The following ENDOU variants were observed in gnomAD, a reference collection of about 807,000 sequenced individuals.
ENDOU encodes endonuclease, poly(U) specific.
Under a neutral mutation model 54.2 loss-of-function variants are expected in ENDOU, and 49 were observed. The observed-to-expected ratio is 0.90, with a 90% CI of 0.72 to 1.15. The LOEUF (loss-of-function observed/expected upper bound fraction) is 1.15, where lower values mean the gene tolerates loss of function less well. ENDOU is among the 50% of genes most tolerant of loss of function. The pLI is 0.00. For synonymous variants in ENDOU, 172 were observed against 190.5 expected (o/e 0.90, Z 0.80); for missense variants, 458 against 511.4 (o/e 0.90, Z 1.01).
chr12:47,711,016 A>G, intron 9 of ENDOU, 97 bp from the exon 10 acceptor site: 1 of 728,604 alleles, frequency 1.4e-6, no homozygotes, highest in Admixed American at 2.6e-5. Context: ...GAAGGGCTCC[A>G]TTCTGCTTAA....
chr12:47,716,352 C>A lies in ENDOU; in HGVS notation c.699G>T (p.Glu233Asp). Residue 233 changes from glutamate to aspartate, a missense_variant, in exon 6 of 10, where the codon GAG becomes GAT. Glu to Asp is a conservative substitution (Grantham distance 45). Coordinates refer to ENST00000422538, the MANE Select transcript of ENDOU (RefSeq NM_001172439.2). ...CCTTCATGACTGCTGTCTTCATGAT[C>A]TCTCTGAGGAAGGCGTCCTGCTCGG... ...ELAEQDAFLR[E>D]IMKTAVMKEL... is the part of the protein sequence containing the mutation. The A allele has an allele frequency of 6.2e-7, 1 of 1,614,178 alleles. No individual in the cohort carries two copies. The highest frequency in any genetic ancestry group is 8.5e-7 in the Non-Finnish European group (1 of 1,180,040).
intron 5 of ENDOU, 54 bp from the exon 6 acceptor site, chr12:47,716,553 C>G: frequency 1.9e-6 from 3 of 1,552,642 alleles, no homozygotes; most frequent in Non-Finnish European, 1.8e-6. Context: ...GGGCAGCGAC[C>G]CCTCCAGAGA....
chr12:47,721,788 G>T (rs912493297), intron 1 of ENDOU, among the ~76,000 whole-genome samples: 7 of 152,318 alleles, frequency 4.6e-5, no homozygotes, highest in African/African-American at 1.7e-4. Context: ...GGGCTTTAAG[G>T]GTGATAACAG....
At chr12:47,717,373 G>A (rs1423878461) in intron 4 of ENDOU, 145 bp downstream of exon 4, 2 of 910,268 alleles carry the variant, frequency 2.2e-6, no homozygotes, top group African/African-American at 1.7e-5. Context: ...TTCTAATTAA[G>A]TAGGCCCGGA....
At chr12:47,712,478 C>G in intron 8 of ENDOU, 38 bp downstream of exon 8, 1 of 1,475,912 alleles carries the variant, frequency 6.8e-7, no homozygotes, top group South Asian at 1.1e-5. Flanking sequence ...AGCAGGATAT[C>G]TGGGCTCTGA....
chr12:47,718,527 A>G (rs1423286553), intron 2 of ENDOU, among the ~76,000 whole-genome samples: 1 of 152,198 alleles, frequency 6.6e-6, no homozygotes, highest in Admixed American at 6.5e-5. Flanking sequence ...ATGCTGTCCT[A>G]ATGACAAAGC....
Position 47,725,354 on chromosome 12 carries a change from C to T in ENDOU, c.55+5G>A. On this transcript the variant is annotated splice_donor_5th_base_variant and intron_variant, in intron 1 of 9. Transcript: ENST00000422538. Reference sequence around the variant, plus strand: ...CAATCCCATGCCCGCCAGATAGTGACTTACCAGCCCAGGCCAGGCCACACA... The same window carrying T: ...CAATCCCATGCCCGCCAGATAGTGATTTACCAGCCCAGGCCAGGCCACACA... 2 of 1,614,130 alleles carry T rather than the reference C, an allele frequency of 1.2e-6. No homozygotes were observed. The highest frequency in any genetic ancestry group is 1.7e-6 in the Non-Finnish European group (2 of 1,179,996).
At chr12:47,711,833 G>T (rs1158205355) in intron 8 of ENDOU, 58 bp from the exon 9 acceptor site, 10 of 1,591,692 alleles carry the variant, frequency 6.3e-6, no homozygotes, top group Non-Finnish European at 6.9e-6. Flanking sequence ...GGAGTAGAAC[G>T]GGTGCCCAAT....
At chr12:47,716,794 A>C in intron 5 of ENDOU, 96 bp downstream of exon 5, 1 of 1,289,662 alleles carries the variant, frequency 7.8e-7, no homozygotes, top group Non-Finnish European at 1.1e-6. Flanking sequence ...TCTCCCTTTG[A>C]TCGTGCCTGA....
At chr12:47,713,190 T>G in intron 7 of ENDOU, 85 bp downstream of exon 7, 1 of 933,762 alleles carries the variant, frequency 1.1e-6, no homozygotes, top group Non-Finnish European at 1.8e-6. Flanking sequence ...TGCTGATTAA[T>G]CCACACCCAG....
Position 47,725,349 on chromosome 12 carries a change from A to C in ENDOU, c.55+10T>G. 6.2e-7 allele frequency: 1 copy of C among 1,614,050 alleles called. No individual in the cohort carries two copies. On this transcript the variant is annotated intron_variant, in intron 1 of 9. Coordinates refer to ENST00000422538, the MANE Select transcript of ENDOU (RefSeq NM_001172439.2). ...ACCAGCAATCCCATGCCCGCCAGAT[A>C]GTGACTTACCAGCCCAGGCCAGGCC...
chr12:47,718,128 C>T lies in ENDOU; in HGVS notation c.244+1G>A. On this transcript the variant is annotated splice_donor_variant, in intron 3 of 9. Transcript: ENST00000422538. LOFTEE classifies it high-confidence loss of function. ...GCCCCCCTTTGGGGAGGCAGGCTCA[C>T]TGCTGGCGAGGGCCTCTTCTGTCTC... The T allele has an allele frequency of 1.3e-6, 2 of 1,568,940 alleles. No individual in the cohort carries two copies. Among genetic ancestry groups the T allele is most frequent in the Non-Finnish European group, 1.7e-6 (2 of 1,155,250 alleles).
chr12:47,710,478 G>A lies in ENDOU; in HGVS notation c.*324C>T, dbSNP rs890181665. The A allele has an allele frequency of 5.3e-6, 1 of 190,060 alleles. No homozygotes were observed. Among genetic ancestry groups the A allele is most frequent in the African/African-American group, 2.3e-5 (1 of 42,874 alleles). The allele number at this position is 190,060 out of a possible 1,614,324, so 11.8% of individuals were successfully genotyped here. The stretch of plus-strand genomic sequence containing the variant: ...TACATTAAAGGGAAGCATGAGGCCT[G>A]GTGAGGTCAAAGGACTTCTTCCTAG... On this transcript the variant is annotated 3_prime_UTR_variant, in exon 10 of 10. Transcript: ENST00000422538.
In ENDOU at chr12:47,710,429, G is replaced by T. The variant is rs78132434; in HGVS notation, c.*373C>A. On this transcript the variant is annotated 3_prime_UTR_variant, in exon 10 of 10. Transcript: ENST00000422538. ...GCCCTCTCACCAACCCCAAAAAGAG[G>T]AAAGTGGGCAAACCCCTTCCCTTTA... is the stretch of plus-strand genomic sequence containing the variant. 6,381 of 159,000 alleles carry T rather than the reference G, an allele frequency of 0.04. 166 individuals are homozygous for T. The highest frequency in any genetic ancestry group is 0.08 in the South Asian group (415 of 5,198). The allele number at this position is 159,000 out of a possible 1,614,324, so 9.8% of individuals were successfully genotyped here. A position where few individuals can be genotyped will look rare whatever the true frequency, so the allele number is the denominator to read the frequency against.
intron 7 of ENDOU, 56 bp from the exon 8 acceptor site, chr12:47,712,678 A>G (rs530598178): frequency 2.2e-5 from 28 of 1,246,524 alleles, no homozygotes; most frequent in African/African-American, 7.0e-5. Flanking sequence ...CCTCCCCTCC[A>G]ATCCCCTTTC....
intron 1 of ENDOU, among the ~76,000 whole-genome samples, chr12:47,723,634 C>T (rs540149016): frequency 1.3e-5 from 2 of 152,238 alleles, no homozygotes; most frequent in East Asian, 3.9e-4. Flanking sequence ...CCAGAACAGC[C>T]ACTCCCTATC....
At chr12:47,713,752 G>GGGGC (rs397939678) in intron 6 of ENDOU, among the ~76,000 whole-genome samples, 3 of 134,418 alleles carry the variant, frequency 2.2e-5, no homozygotes, top group Admixed American at 7.4e-5. Flanking sequence ...GGGGGGGGGG[G>GGGGC]TCTTCTAGAA....
rs1050544798 is a variant in ENDOU, at chr12:47,718,239, C to T, written c.179-45G>A. ...TAAAGTCACCAACAACCTGAGAATT[C>T]CCCTGCTGCTTGGTTTCTGGTTCTC... On this transcript the variant is annotated intron_variant, in intron 2 of 9. Coordinates refer to ENST00000422538, the MANE Select transcript of ENDOU (RefSeq NM_001172439.2). 17 of 1,507,140 alleles carry T rather than the reference C, an allele frequency of 1.1e-5. No individual in the cohort carries two copies. The Admixed American group carries it at 3.1e-4, about 28-fold the overall frequency. The allele number at this position is 1,507,140 out of a possible 1,614,324, so 93.4% of individuals were successfully genotyped here. A position where few individuals can be genotyped will look rare whatever the true frequency, so the allele number is the denominator to read the frequency against.
rs1213323783 is a variant in ENDOU, at chr12:47,716,405, C to A, written c.646G>T (p.Gly216Trp). The change falls in exon 6 of 10, where the codon GGG becomes TGG. Residue 216 changes from glycine to tryptophan, a missense_variant. Coordinates refer to ENST00000422538, the MANE Select transcript of ENDOU (RefSeq NM_001172439.2). Reference protein sequence around the residue: ...LNNYQRATGHGEHFSAQELAE... With the variant: ...LNNYQRATGHWEHFSAQELAE... ...AGCTCCTGGGCACTGAAGTGCTCCC[C>A]ATGGCCTGTTGCCCGCTGGTAGTTG... 1 of 1,614,056 alleles carries A rather than the reference C, an allele frequency of 6.2e-7. No homozygotes were observed. Among genetic ancestry groups the A allele is most frequent in the Non-Finnish European group, 8.5e-7 (1 of 1,180,036 alleles).
Sources: gnomAD v4.1 joint callset for allele counts (sites outside exome capture counted in the v4.1 genomes callset) on GRCh38, gnomAD v4.1.1 for gene constraint, MANE v1.5 for transcripts, NCBI Gene and HGNC (gene_info 2026-07-23, HGNC 2026-07-21) for gene names.